The following FGGY variants were observed in gnomAD, a reference collection of about 807,000 sequenced individuals.
FGGY encodes FGGY carbohydrate kinase domain containing.
Under a neutral mutation model 71.3 loss-of-function variants are expected in FGGY, and 72 were observed. That is an observed-to-expected ratio of 1.01 (90% CI 0.84 to 1.23). The LOEUF (loss-of-function observed/expected upper bound fraction) is 1.23. Ranked by LOEUF, FGGY falls within the 50% of genes most tolerant of loss-of-function variation. The pLI, the probability that FGGY is intolerant of heterozygous loss-of-function variation, is 0.00. For missense variants in FGGY, 668 were observed against 682.3 expected (o/e 0.98, Z 0.23); for synonymous variants, 251 against 250.3 (o/e 1.00, Z -0.02).
chr1:59,702,699 A>G (rs1228394250), intron 14 of FGGY, among the ~76,000 whole-genome samples: 1 of 152,208 alleles, frequency 6.6e-6, no homozygotes, highest in South Asian at 2.1e-4. Flanking sequence ...GCAACTAGCC[A>G]TCTTCAAACC....
intron 11 of FGGY, among the ~76,000 whole-genome samples, chr1:59,654,982 G>A (rs2153947089): frequency 6.6e-6 from 1 of 152,272 alleles, no homozygotes; most frequent in East Asian, 1.9e-4. Context: ...CCCACTCTGT[G>A]TCCCTGGGCA....
At position 59,514,569 on chromosome 1, in the gene FGGY, C is replaced by T. The variant is rs140523519; in HGVS notation, c.799+2130C>T. ...GTAAGTGATATGGTTTGGCTGTGTCCCCATTCAAATCTCCACAGAGTTGTA... is the reference window on the plus strand; with the variant it reads ...GTAAGTGATATGGTTTGGCTGTGTCTCCATTCAAATCTCCACAGAGTTGTA... On this transcript the variant is annotated intron_variant, in intron 7 of 15. Coordinates refer to ENST00000303721, the MANE Select transcript of FGGY (RefSeq NM_018291.5). Among the ~76,000 whole-genome samples, 4 of 152,270 alleles carry T rather than the reference C, an allele frequency of 2.6e-5. No individual in the cohort carries two copies. The East Asian group carries it at 5.8e-4, about 22-fold the overall frequency.
chr1:59,362,783 T>C (rs1013467696), intron 4 of FGGY, among the ~76,000 whole-genome samples: 1 of 152,248 alleles, frequency 6.6e-6, no homozygotes, highest in African/African-American at 2.4e-5. Context: ...GTACTATTTA[T>C]ACATTCTTCC....
chr1:59,376,383 A>C (rs1397450068), intron 4 of FGGY, among the ~76,000 whole-genome samples: 1 of 152,146 alleles, frequency 6.6e-6, no homozygotes, highest in East Asian at 1.9e-4. Context: ...AACTCTTTTG[A>C]TATTGTTTTG....
At chr1:59,761,831 G>A (rs570752819) in intron 15 of FGGY, among the ~76,000 whole-genome samples, 48 of 152,150 alleles carry the variant, frequency 3.2e-4, no homozygotes, top group Non-Finnish European at 5.9e-4. Flanking sequence ...CTGCAAAAGG[G>A]CAATTAAAAT....
At chr1:59,547,236 C>A (rs976549254) in intron 7 of FGGY, among the ~76,000 whole-genome samples, 1 of 152,150 alleles carries the variant, frequency 6.6e-6, no homozygotes, top group African/African-American at 2.4e-5. Context: ...CGGGCATAAG[C>A]CACCATGCCC....
At position 59,537,272 on chromosome 1, in the gene FGGY, T is replaced by C. The variant is rs534689040; in HGVS notation, c.800-16852T>C. On this transcript the variant is annotated intron_variant, in intron 7 of 15. Coordinates refer to ENST00000303721, the MANE Select transcript of FGGY (RefSeq NM_018291.5). ...ATTGCTTCAAAGAGAATAAAATAGC[T>C]AGGAATCCAACTTACAAGGGATGTG... Among the ~76,000 whole-genome samples, 4 of 152,064 alleles carry C rather than the reference T, an allele frequency of 2.6e-5. No individual in the cohort carries two copies. In the South Asian group the frequency reaches 8.3e-4, roughly 32 times the overall value.
chr1:59,340,675 A>T (rs987151810), intron 3 of FGGY, among the ~76,000 whole-genome samples: 3 of 152,180 alleles, frequency 2.0e-5, no homozygotes, highest in African/African-American at 7.2e-5. Flanking sequence ...CACAGCAGAT[A>T]AGGTTGTCCC....
chr1:59,314,139 G>T (rs368681682), intron 1 of FGGY, among the ~76,000 whole-genome samples: 9 of 152,062 alleles, frequency 5.9e-5, no homozygotes, highest in Admixed American at 3.9e-4. Context: ...CTAATTTTTT[G>T]TATTTTTAGT....
chr1:59,325,099 A>G (rs2047151654), intron 2 of FGGY, among the ~76,000 whole-genome samples: 1 of 152,130 alleles, frequency 6.6e-6, no homozygotes, highest in Admixed American at 6.5e-5. Flanking sequence ...CACGCCTGTA[A>G]TCCCAGCACT....
chr1:59,373,156 A>C (rs2058008242), intron 4 of FGGY, among the ~76,000 whole-genome samples: 1 of 152,080 alleles, frequency 6.6e-6, no homozygotes, highest in Non-Finnish European at 1.5e-5. Flanking sequence ...TGTATCTAGA[A>C]AACCCCATTG....
intron 4 of FGGY, among the ~76,000 whole-genome samples, chr1:59,355,563 T>A (rs1005563058): frequency 6.6e-6 from 1 of 151,184 alleles, no homozygotes; most frequent in Non-Finnish European, 1.5e-5. Flanking sequence ...TTTTTTTTTC[T>A]TTTTGGGCTT....
At chr1:59,541,187 T>C (rs553644078) in intron 7 of FGGY, among the ~76,000 whole-genome samples, 11 of 152,208 alleles carry the variant, frequency 7.2e-5, no homozygotes, top group Non-Finnish European at 1.5e-4. Flanking sequence ...TGTTAATACA[T>C]TGAGTTTCTC....
chr1:59,674,615 AG>A (rs1558763385), intron 14 of FGGY, among the ~76,000 whole-genome samples: 1 of 152,258 alleles, frequency 6.6e-6, no homozygotes, highest in African/African-American at 2.4e-5. Flanking sequence ...TATAGGAAGA[AG>A]GAAACAATTT....
intron 7 of FGGY, among the ~76,000 whole-genome samples, chr1:59,521,939 T>A (rs1056963852): frequency 4.6e-5 from 7 of 152,226 alleles, no homozygotes; most frequent in Non-Finnish European, 7.4e-5. Flanking sequence ...GTTGTCACAA[T>A]CTACAAAAAG....
intron 5 of FGGY, among the ~76,000 whole-genome samples, chr1:59,412,312 TTCTC>T (rs1005720376): frequency 2.7e-5 from 4 of 146,794 alleles, no homozygotes; most frequent in African/African-American, 9.7e-5. Context: ...AATGCCTCCT[TTCTC>T]TCTATCGTGG....
At chr1:59,409,803 A>G (rs1379629491) in intron 5 of FGGY, among the ~76,000 whole-genome samples, 1 of 152,112 alleles carries the variant, frequency 6.6e-6, no homozygotes. Context: ...TCTTAGTTAA[A>G]TGAAATAACT....
chr1:59,593,999 A>G (rs919931214), intron 8 of FGGY, among the ~76,000 whole-genome samples: 1 of 152,222 alleles, frequency 6.6e-6, no homozygotes, highest in African/African-American at 2.4e-5. Flanking sequence ...TAGCTCTGCA[A>G]CCCTGGGGGG....
intron 6 of FGGY, among the ~76,000 whole-genome samples, chr1:59,495,963 C>T (rs1436694464): frequency 2.0e-5 from 3 of 152,066 alleles, no homozygotes; most frequent in Middle Eastern, 3.2e-3. Context: ...TTTGTCTATT[C>T]GGGCTCTTTT....
Sources: gnomAD v4.1 joint callset for allele counts (sites outside exome capture counted in the v4.1 genomes callset) on GRCh38, gnomAD v4.1.1 for gene constraint, MANE v1.5 for transcripts, NCBI Gene and HGNC (gene_info 2026-07-23, HGNC 2026-07-21) for gene names.